OR2T6: variants seen among roughly 807,000 people sequenced by gnomAD.
The protein encoded by OR2T6 is olfactory receptor 2T6.
For missense variants in OR2T6, 424 were observed against 391.6 expected (o/e 1.08, Z -0.70); for synonymous variants, 174 against 148.0 (o/e 1.18, Z -1.27).
rs1661194694 is a variant in OR2T6 at position 248,388,624 on chromosome 1, C to T, written c.*89C>T. 1 of 973,672 alleles carries T rather than the reference C, an allele frequency of 1.0e-6. No individual in the cohort carries two copies. The highest frequency in any genetic ancestry group is 1.5e-6 in the Non-Finnish European group (1 of 665,210). The allele number at this position is 973,672 out of a possible 1,614,324, so 60.3% of individuals were successfully genotyped here. On this transcript the variant is annotated 3_prime_UTR_variant, in exon 3 of 3. Coordinates refer to ENST00000641644, the MANE Select transcript of OR2T6 (RefSeq NM_001005471.2). The stretch of plus-strand genomic sequence containing the variant: ...ATATATGGGGTCGTATCATGGATAC[C>T]ACGGATGATGCTGACAGGAACTTTC...
At chr1:248,384,412 G>A (rs1230174819) in intron 1 of OR2T6, among the ~76,000 whole-genome samples, 1 of 73,910 alleles carries the variant, frequency 1.4e-5, no homozygotes. Context: ...TATCATCATG[G>A]AGAAAGCACT....
chr1:248,384,157 G>C (rs377068439), intron 1 of OR2T6, among the ~76,000 whole-genome samples: 35 of 56,030 alleles, frequency 6.2e-4, no homozygotes, highest in African/African-American at 3.4e-3. Context: ...CACTGCACTA[G>C]CCTGAGTGTG....
intron 2 of OR2T6, among the ~76,000 whole-genome samples, chr1:248,386,875 T>C (rs1298521550): frequency 6.6e-6 from 1 of 152,238 alleles, no homozygotes. Context: ...TTGCATTACC[T>C]GGAACCATGG....
chr1:248,378,275 C>T (rs545590515), intron 1 of OR2T6, among the ~76,000 whole-genome samples: 9 of 152,230 alleles, frequency 5.9e-5, no homozygotes, highest in African/African-American at 1.9e-4. Context: ...AATAAAAATC[C>T]TAATTTATTG....
intron 1 of OR2T6, among the ~76,000 whole-genome samples, chr1:248,378,666 A>G (rs986468504): frequency 6.6e-6 from 1 of 152,176 alleles, no homozygotes; most frequent in African/African-American, 2.4e-5. Flanking sequence ...CTGGTCCTAC[A>G]GAGGTCAAAG....
intron 1 of OR2T6, among the ~76,000 whole-genome samples, chr1:248,378,104 T>C (rs28449971): frequency 0.089 from 13,577 of 152,194 alleles, 1,871 homozygotes; most frequent in African/African-American, 0.3. Context: ...AATGTCTTCA[T>C]ATATTATTCC....
intron 2 of OR2T6, among the ~76,000 whole-genome samples, chr1:248,387,189 T>C (rs1264294382): frequency 5.9e-5 from 9 of 152,236 alleles, no homozygotes; most frequent in Admixed American, 3.9e-4. Flanking sequence ...ATCACAGAAA[T>C]TCCCAATTTG....
chr1:248,384,290 C>T (rs78018235), intron 1 of OR2T6, among the ~76,000 whole-genome samples: 2,439 of 30,606 alleles, frequency 0.08, 31 homozygotes, highest in Middle Eastern at 0.17. Flanking sequence ...AAGCACTGCA[C>T]TAGCCTGAGT....
rs182390735 is a variant in OR2T6 at position 248,378,988 on chromosome 1, C to A, written c.-159+2934C>A. 2.3e-4 allele frequency among the ~76,000 whole-genome samples: 35 copies of A among 152,208 alleles called. 1 individual carries two copies. Among genetic ancestry groups the A allele is most frequent in the African/African-American group, 8.2e-4 (34 of 41,518 alleles). On this transcript the variant is annotated intron_variant, in intron 1 of 2. Transcript: ENST00000641644. ...AGAAGTTCAAGACCAGCCTGGACAA[C>A]ATGGCAAGACCCTGTTTCTACAAAA...
chr1:248,388,484 G>C lies in OR2T6; in HGVS notation c.876G>C (p.Leu292=), dbSNP rs1661190313. The C allele has an allele frequency of 6.3e-7, 1 of 1,599,134 alleles. No individual in the cohort carries two copies. Among genetic ancestry groups the C allele is most frequent in the African/African-American group, 1.3e-5 (1 of 74,564 alleles). The change falls in exon 3 of 3, where the codon CTG becomes CTC. Residue 292 remains leucine (L), a synonymous_variant. Coordinates refer to ENST00000641644, the MANE Select transcript of OR2T6 (RefSeq NM_001005471.2). ...TATTAAACCCTCTCATCTACAGTCT[G>C]AGGAACAGGGATGTGATGGGTGCCT... ...TPLLNPLIYS[L]RNRDVMGALK...
intron 1 of OR2T6, among the ~76,000 whole-genome samples, chr1:248,380,687 G>A (rs1018871546): frequency 1.3e-5 from 2 of 150,554 alleles, no homozygotes; most frequent in Admixed American, 1.3e-4. Flanking sequence ...AACTTCCTTT[G>A]GTCTAAGTAG....
At chr1:248,383,236 A>T (rs76397931) in intron 1 of OR2T6, among the ~76,000 whole-genome samples, 5,904 of 22,926 alleles carry the variant, frequency 0.26, 1,526 homozygotes, top group African/African-American at 0.6. Flanking sequence ...CCTGAAGTGT[A>T]TCCTAGTGTT....
chr1:248,377,397 C>T (rs1660954328), intron 1 of OR2T6, among the ~76,000 whole-genome samples: 2 of 152,092 alleles, frequency 1.3e-5, no homozygotes, highest in African/African-American at 4.8e-5. Flanking sequence ...ATGTATAGAC[C>T]ACCTAATACA....
At chr1:248,377,086 G>T (rs190855267) in intron 1 of OR2T6, among the ~76,000 whole-genome samples, 1 of 152,164 alleles carries the variant, frequency 6.6e-6, no homozygotes, top group Non-Finnish European at 1.5e-5. Context: ...ATCGTGTGAT[G>T]GTTGGTTGGT....
rs562359922 is a variant in OR2T6, at chr1:248,388,408, C to A, written c.800C>A (p.Thr267Asn). The change falls in exon 3 of 3, where the codon ACC (threonine) becomes AAC (asparagine). Residue 267 changes from threonine (T) to asparagine (N), a missense_variant. Transcript: ENST00000641644. ...YTYTLPQSYH[T>N]PIKDKVFSAF... Reference sequence around the variant, plus strand: ...TATACGCTTCCCCAATCTTACCACACCCCAATCAAAGATAAGGTCTTCTCT... The same window carrying A: ...TATACGCTTCCCCAATCTTACCACAACCCAATCAAAGATAAGGTCTTCTCT... 30 of 1,613,776 alleles carry A rather than the reference C, an allele frequency of 1.9e-5. No homozygotes were observed. Among genetic ancestry groups the A allele is most frequent in the Admixed American group, 3.3e-5 (2 of 60,008 alleles).
chr1:248,379,009 C>CA (rs1660988351), intron 1 of OR2T6, among the ~76,000 whole-genome samples: 1 of 151,904 alleles, frequency 6.6e-6, no homozygotes, highest in African/African-American at 2.4e-5. Flanking sequence ...CCTGTTTCTA[C>CA]AAAAAATACA....
chr1:248,389,095 T>TAA lies in OR2T6; in HGVS notation c.*561_*562insAA, dbSNP rs1661204107. ...CCACTGAAAACACTCCTCCTTTATCTACATTTGGAGCTAAAAAAAAATGAA... is the reference window on the plus strand; with the variant it reads ...CCACTGAAAACACTCCTCCTTTATCTAAACATTTGGAGCTAAAAAAAAATGAA... On this transcript the variant is annotated 3_prime_UTR_variant, in exon 3 of 3. Coordinates refer to ENST00000641644, the MANE Select transcript of OR2T6 (RefSeq NM_001005471.2). 1.4e-5 allele frequency: 2 copies of TAA among 147,630 alleles called. No individual in the cohort carries two copies. Among genetic ancestry groups the TAA allele is most frequent in the South Asian group, 4.6e-4 (2 of 4,310 alleles). 9.1% of individuals were successfully genotyped at this position (147,630 alleles called of 1,614,324 possible).
chr1:248,377,595 G>A (rs936239949), intron 1 of OR2T6, among the ~76,000 whole-genome samples: 8 of 152,248 alleles, frequency 5.3e-5, no homozygotes, highest in African/African-American at 7.2e-5. Context: ...CTGTCAGAGC[G>A]CGTCACAGAA....
At chr1:248,385,991 A>G (rs1173789265) in intron 2 of OR2T6, among the ~76,000 whole-genome samples, 1 of 152,174 alleles carries the variant, frequency 6.6e-6, no homozygotes, top group African/African-American at 2.4e-5. Flanking sequence ...AATGTGCATT[A>G]GGGCACATTG....
Sources: allele counts gnomAD v4.1 joint callset (sites outside exome capture counted in the v4.1 genomes callset), GRCh38; gene constraint gnomAD v4.1.1; transcripts MANE v1.5; gene names NCBI Gene and HGNC (gene_info 2026-07-23, HGNC 2026-07-21).